The following PCDHGB1 variants were observed in gnomAD, a reference collection of about 807,000 sequenced individuals.
PCDHGB1 encodes the protein protocadherin gamma-B1.
A neutral mutation model predicts 56.6 loss-of-function variants in PCDHGB1; 34 were observed. That is an observed-to-expected ratio of 0.60 (90% CI 0.46 to 0.80). PCDHGB1 has a LOEUF of 0.80. Among genes scored for constraint, PCDHGB1 ranks in the 30% least tolerant of loss-of-function variants. PCDHGB1 has a pLI of 0.00. For missense variants in PCDHGB1, 1,278 were observed against 1,204.6 expected (o/e 1.06, Z -0.90); for synonymous variants, 561 against 505.9 (o/e 1.11, Z -1.46).
At chr5:141,357,456 C>A (rs767627723) in intron 1 of PCDHGB1, 1 of 1,614,086 alleles carries the variant, frequency 6.2e-7, no homozygotes, top group African/African-American at 1.3e-5. Flanking sequence ...TCCTGCAGAC[C>A]TATTCCCACG....
chr5:141,376,195 C>G, intron 1 of PCDHGB1: 1 of 1,614,172 alleles, frequency 6.2e-7, no homozygotes, highest in South Asian at 1.1e-5. Context: ...CCTGCGTCTT[C>G]CTGGCCTTCG....
Position 141,491,458 on chromosome 5 carries a change from G to C in PCDHGB1, c.2410-3349G>C. 1 of 1,614,092 alleles carries C rather than the reference G, an allele frequency of 6.2e-7. No individual in the cohort carries two copies. The highest frequency in any genetic ancestry group is 8.5e-7 in the Non-Finnish European group (1 of 1,180,022). On this transcript the variant is annotated intron_variant, in intron 1 of 3. Coordinates refer to ENST00000523390, the MANE Select transcript of PCDHGB1 (RefSeq NM_018922.3). The surrounding 1 kb of genome is among the most constrained non-coding windows in gnomAD (Gnocchi z 6.9). Reference sequence around the variant, plus strand: ...CAGGCGCCAGGACTCACCCTCCCCGGACTTCTATAAGCAGTCCAGCCCCAA... The same window carrying C: ...CAGGCGCCAGGACTCACCCTCCCCGCACTTCTATAAGCAGTCCAGCCCCAA...
chr5:141,400,194 G>T (rs2093978875), intron 1 of PCDHGB1: 2 of 1,614,034 alleles, frequency 1.2e-6, no homozygotes, highest in Non-Finnish European at 1.7e-6. Flanking sequence ...TTTACCTAGT[G>T]GTGGCCTTGG....
intron 1 of PCDHGB1, among the ~76,000 whole-genome samples, chr5:141,438,626 A>G (rs1309857700): frequency 2.3e-5 from 1 of 43,566 alleles, no homozygotes; most frequent in Non-Finnish European, 3.7e-5. Flanking sequence ...ATATATATAT[A>G]TATATATATA....
rs755130135 is a variant in PCDHGB1 at position 141,431,477 on chromosome 5, C to A, written c.2410-63330C>A. On this transcript the variant is annotated intron_variant, in intron 1 of 3. Coordinates refer to ENST00000523390, the MANE Select transcript of PCDHGB1 (RefSeq NM_018922.3). The surrounding 1 kb of genome is among the most constrained non-coding windows in gnomAD (Gnocchi z 4.8). ...GGTTCTGGATGCGAACGACAACGCA[C>A]CAGCGTTTGCTCAGCCCGAGTACCG... is the stretch of plus-strand genomic sequence containing the variant. 40 of 1,613,768 alleles carry A rather than the reference C, an allele frequency of 2.5e-5. No individual in the cohort carries two copies. The highest frequency in any genetic ancestry group is 3.3e-5 in the Admixed American group (2 of 60,008).
chr5:141,423,071 C>T, intron 1 of PCDHGB1: 2 of 1,614,120 alleles, frequency 1.2e-6, no homozygotes, highest in South Asian at 1.1e-5. Flanking sequence ...GCCAGCGAGC[C>T]GGGACTCTTC....
Position 141,487,243 on chromosome 5 carries a change from C to T in PCDHGB1, c.2410-7564C>T. 1 of 1,614,114 alleles carries T rather than the reference C, an allele frequency of 6.2e-7. No individual in the cohort carries two copies. The highest frequency in any genetic ancestry group is 8.5e-7 in the Non-Finnish European group (1 of 1,180,000). Reference sequence around the variant, plus strand: ...CAAGGGAAGGAGAATCTCGTCTAACCCTCTACTTGGCTGTGTCCCTAGTGG... The same window carrying T: ...CAAGGGAAGGAGAATCTCGTCTAACTCTCTACTTGGCTGTGTCCCTAGTGG... On this transcript the variant is annotated intron_variant, in intron 1 of 3. Coordinates refer to ENST00000523390, the MANE Select transcript of PCDHGB1 (RefSeq NM_018922.3). The surrounding 1 kb of genome is among the most constrained non-coding windows in gnomAD (Gnocchi z 5.0).
intron 1 of PCDHGB1, among the ~76,000 whole-genome samples, chr5:141,454,538 C>G (rs1229435473): frequency 6.6e-6 from 1 of 152,110 alleles, no homozygotes; most frequent in African/African-American, 2.4e-5. Context: ...TCCCAAGTAG[C>G]TGAGATTACA....
Position 141,408,151 on chromosome 5 carries a change from T to G in PCDHGB1, c.2409+55482T>G, listed in dbSNP as rs2154539780. ...CGAATGCTCTTTTAGCGCGGTAGAG[T>G]GCACTTTCTCCAACTGGAAAAGCGG... On this transcript the variant is annotated intron_variant, in intron 1 of 3. Transcript: ENST00000523390. 3.3e-6 allele frequency: 5 copies of G among 1,506,938 alleles called. No individual in the cohort carries two copies. In the East Asian group the frequency reaches 1.2e-4, roughly 37 times the overall value. 93.3% of individuals were successfully genotyped at this position (1,506,938 alleles called of 1,614,324 possible). A position where few individuals can be genotyped will look rare whatever the true frequency, so the allele number is the denominator to read the frequency against.
chr5:141,418,069 G>T, intron 1 of PCDHGB1: 4 of 1,614,042 alleles, frequency 2.5e-6, no homozygotes, highest in South Asian at 2.2e-5. Flanking sequence ...GAGTGAGCGC[G>T]GAGAAGCTGC....
intron 1 of PCDHGB1, chr5:141,360,871 G>A: frequency 1.2e-6 from 2 of 1,614,042 alleles, no homozygotes; most frequent in Non-Finnish European, 1.7e-6. Flanking sequence ...CAGCCAGGAC[G>A]TGTACAGGGT....
At chr5:141,414,533 C>A in intron 1 of PCDHGB1, 1 of 1,613,960 alleles carries the variant, frequency 6.2e-7, no homozygotes, top group Non-Finnish European at 8.5e-7. Context: ...AATGACAACC[C>A]ACCTACCTTC....
intron 1 of PCDHGB1, chr5:141,384,779 G>T (rs1252058358): frequency 6.2e-7 from 1 of 1,613,592 alleles, no homozygotes; most frequent in Non-Finnish European, 8.5e-7. Context: ...GGCGAGGTGC[G>T]CACGGCTCGG....
At chr5:141,364,923 A>G (rs1286445808) in intron 1 of PCDHGB1, 1 of 1,613,974 alleles carries the variant, frequency 6.2e-7, no homozygotes, top group Non-Finnish European at 8.5e-7. Context: ...GTGTTGGAAC[A>G]GCCCCTAGAC....
intron 1 of PCDHGB1, among the ~76,000 whole-genome samples, chr5:141,481,700 T>C (rs1283509788): frequency 2.0e-5 from 3 of 152,034 alleles, no homozygotes; most frequent in Non-Finnish European, 4.4e-5. Context: ...ACGCCTGTAA[T>C]CCCAGCACTT....
rs114669158 is a variant in PCDHGB1 at position 141,511,003 on chromosome 5, G to A, written c.2614G>A (p.Ala872Thr). The change falls in exon 4 of 4, where the codon GCC (alanine) becomes ACC (threonine). Residue 872 changes from alanine to threonine, a missense_variant. Physicochemically the swap from Ala to Thr is moderately conservative, Grantham distance 58 (BLOSUM62 0). Coordinates refer to ENST00000523390, the MANE Select transcript of PCDHGB1 (RefSeq NM_018922.3). Reference protein sequence around the residue: ...GGGAGTMGLSARYGPQFTLQH... With the variant: ...GGGAGTMGLSTRYGPQFTLQH... ...GGGTGCCGGCACCATGGGATTGAGCGCCCGCTACGGACCCCAGTTCACCCT... is the reference window on the plus strand; with the variant it reads ...GGGTGCCGGCACCATGGGATTGAGCACCCGCTACGGACCCCAGTTCACCCT... The A allele has an allele frequency of 1.0e-4, 163 of 1,614,148 alleles. 1 individual carries two copies. The highest frequency in any genetic ancestry group is 9.5e-5 in the Non-Finnish European group (112 of 1,180,012).
At chr5:141,450,742 C>A (rs2098692216) in intron 1 of PCDHGB1, among the ~76,000 whole-genome samples, 1 of 152,118 alleles carries the variant, frequency 6.6e-6, no homozygotes, top group South Asian at 2.1e-4. Context: ...CCGCCTTGGC[C>A]TCCCAAAGTG....
rs372656276 is a variant in PCDHGB1, at chr5:141,415,107, A to G, written c.2409+62438A>G. ...TGCTGGACAGAGACGCGCTCAAGCA[A>G]AGCCTCGTAGTGGCCGTCCAGGACC... is the stretch of plus-strand genomic sequence containing the variant. On this transcript the variant is annotated intron_variant, in intron 1 of 3. Transcript: ENST00000523390. 1,052 of 1,613,570 alleles carry G rather than the reference A, an allele frequency of 6.5e-4. 7 individuals carry two copies. The African/African-American group carries it at 8.4e-3, about 13-fold the overall frequency.
chr5:141,457,422 TC>T (rs1038085994), intron 1 of PCDHGB1, among the ~76,000 whole-genome samples: 1 of 151,626 alleles, frequency 6.6e-6, no homozygotes, highest in African/African-American at 2.4e-5. Context: ...CATCCCTTTT[TC>T]CCCCCCACCA....
Sources: allele counts gnomAD v4.1 joint callset (sites outside exome capture counted in the v4.1 genomes callset), GRCh38; gene constraint gnomAD v4.1.1; non-coding constraint Gnocchi (gnomAD v3.1); transcripts MANE v1.5; gene names NCBI Gene and HGNC (gene_info 2026-07-23, HGNC 2026-07-21).